Variants in NAALADL2 observed in about 807,000 individuals in gnomAD.
NAALADL2 encodes the protein N-acetylated alpha-linked acidic dipeptidase like 2, also known as inactive N-acetylated-alpha-linked acidic dipeptidase-like protein 2.
Under a neutral mutation model 87.2 loss-of-function variants are expected in NAALADL2, and 76 were observed. The ratio of observed to expected loss-of-function variants is 0.87; its 90% CI spans 0.72 to 1.05. The LOEUF is 1.05. Among genes scored for constraint, NAALADL2 ranks in the 50% least tolerant of loss-of-function variants. The pLI is 0.00. For synonymous variants in NAALADL2, 354 were observed against 331.0 expected (o/e 1.07, Z -0.75); for missense variants, 1,089 against 945.8 (o/e 1.15, Z -1.99).
chr3:175,640,153 C>T (rs1286305106), intron 11 of NAALADL2, among the ~76,000 whole-genome samples: 1 of 152,158 alleles, frequency 6.6e-6, no homozygotes, highest in Non-Finnish European at 1.5e-5. Context: ...CATTAAACCT[C>T]TCTAGATTAC....
intron 10 of NAALADL2, among the ~76,000 whole-genome samples, chr3:175,588,335 A>G (rs1720842698): frequency 6.6e-6 from 1 of 152,132 alleles, no homozygotes; most frequent in South Asian, 2.1e-4. Context: ...GGTTGTGACC[A>G]GAACCTGTGA....
intron 11 of NAALADL2, among the ~76,000 whole-genome samples, chr3:175,700,229 T>C (rs1738796651): frequency 6.6e-6 from 1 of 152,158 alleles, no homozygotes; most frequent in Admixed American, 6.6e-5. Context: ...TGAACAATGC[T>C]AAGTGCTATG....
intron 3 of NAALADL2, among the ~76,000 whole-genome samples, chr3:174,760,936 T>C (rs1240745995): frequency 6.6e-6 from 1 of 152,212 alleles, no homozygotes; most frequent in African/African-American, 2.4e-5. Flanking sequence ...AATTGTCTTT[T>C]TTGGGCAAAC....
intron 5 of NAALADL2, among the ~76,000 whole-genome samples, chr3:175,355,362 G>A (rs746092966): frequency 2.2e-4 from 34 of 152,156 alleles, no homozygotes; most frequent in Middle Eastern, 3.4e-3. Flanking sequence ...TAGACACCGC[G>A]CCCAGCCACA....
intron 10 of NAALADL2, among the ~76,000 whole-genome samples, chr3:175,591,930 T>C (rs1169425883): frequency 2.0e-5 from 3 of 151,532 alleles, no homozygotes; most frequent in Non-Finnish European, 4.4e-5. Flanking sequence ...AAGAGTAATA[T>C]AGTGGAAAAA....
chr3:175,761,771 T>C (rs1282869210), intron 13 of NAALADL2, among the ~76,000 whole-genome samples: 1 of 152,228 alleles, frequency 6.6e-6, no homozygotes, highest in East Asian at 1.9e-4. Context: ...CATCTTTTCA[T>C]ATGCTTATTT....
chr3:174,510,515 TTTG>T (rs1443155954), intron 1 of NAALADL2, among the ~76,000 whole-genome samples: 5 of 152,050 alleles, frequency 3.3e-5, no homozygotes, highest in African/African-American at 1.2e-4. Flanking sequence ...TATATTGGCA[TTTG>T]TTGTTCATAA....
intron 2 of NAALADL2, among the ~76,000 whole-genome samples, chr3:175,233,375 A>T (rs943359614): frequency 5.3e-5 from 8 of 152,198 alleles, no homozygotes; most frequent in Non-Finnish European, 1.2e-4. Flanking sequence ...TTTAGTTAGC[A>T]TTAATATCAC....
At chr3:175,056,927 C>A (rs1480302374) in intron 1 of NAALADL2, among the ~76,000 whole-genome samples, 1 of 152,200 alleles carries the variant, frequency 6.6e-6, no homozygotes, top group Non-Finnish European at 1.5e-5. Context: ...GGCATCATGG[C>A]CATCATGTAC....
intron 2 of NAALADL2, among the ~76,000 whole-genome samples, chr3:175,151,389 T>TA (rs1731520945): frequency 6.6e-6 from 1 of 152,226 alleles, no homozygotes. Flanking sequence ...CTGCTCAGAT[T>TA]ACATTCAGCA....
chr3:174,473,695 A>G (rs1205417690), intron 1 of NAALADL2, among the ~76,000 whole-genome samples: 3 of 152,074 alleles, frequency 2.0e-5, no homozygotes, highest in Non-Finnish European at 4.4e-5. Flanking sequence ...GAGGAGAGAG[A>G]TGGTGACAAT....
At chr3:174,741,012 T>A (rs1733709511) in intron 3 of NAALADL2, among the ~76,000 whole-genome samples, 1 of 151,776 alleles carries the variant, frequency 6.6e-6, no homozygotes, top group South Asian at 2.1e-4. Flanking sequence ...TTCAAACCAG[T>A]GAATAAATTA....
intron 1 of NAALADL2, among the ~76,000 whole-genome samples, chr3:174,872,772 G>T (rs1011556793): frequency 6.6e-6 from 1 of 151,700 alleles, no homozygotes; most frequent in Non-Finnish European, 1.5e-5. Context: ...TGTAGCTTCA[G>T]GTTTCTCTGA....
intron 2 of NAALADL2, among the ~76,000 whole-genome samples, chr3:175,168,051 C>T (rs199661689): frequency 1.3e-5 from 2 of 148,420 alleles, no homozygotes; most frequent in Non-Finnish European, 3.0e-5. Context: ...AATTTTTTTT[C>T]CCAAACCACG....
intron 1 of NAALADL2, among the ~76,000 whole-genome samples, chr3:175,030,884 C>T (rs1174232916): frequency 2.6e-5 from 4 of 151,968 alleles, no homozygotes; most frequent in African/African-American, 9.6e-5. Context: ...TTGTATACAG[C>T]CATGCCTGGT....
chr3:174,806,506 G>A (rs756971830), intron 3 of NAALADL2, among the ~76,000 whole-genome samples: 36 of 152,188 alleles, frequency 2.4e-4, no homozygotes, highest in Non-Finnish European at 4.4e-4. Context: ...ACACCCAGAA[G>A]TTGAGGAAAC....
At position 175,308,144 on chromosome 3, in the gene NAALADL2, GAAGA is replaced by G. The variant is rs1341759002; in HGVS notation, c.940-16030_940-16027del. Among the ~76,000 whole-genome samples the G allele has an allele frequency of 4.6e-5, 7 of 152,224 alleles. No homozygotes were observed. The East Asian group carries it at 1.4e-3, about 29-fold the overall frequency. On this transcript the variant is annotated intron_variant, in intron 4 of 13. Transcript: ENST00000454872. ...AGAGAAAACCATTTTTTTTATGAAA[GAAGA>G]GAGACATAATTTCCATTGTGATAAA... is the stretch of plus-strand genomic sequence containing the variant.
intron 3 of NAALADL2, among the ~76,000 whole-genome samples, chr3:174,740,717 T>A (rs1733687183): frequency 6.6e-6 from 1 of 151,714 alleles, no homozygotes; most frequent in Admixed American, 6.6e-5. Flanking sequence ...CTAAGCAAAA[T>A]TTTCTGGTCA....
At chr3:175,752,015 A>C (rs929173706) in intron 12 of NAALADL2, among the ~76,000 whole-genome samples, 5 of 152,084 alleles carry the variant, frequency 3.3e-5, no homozygotes, top group African/African-American at 1.2e-4. Context: ...GTTGATGCTC[A>C]TTATGCACCA....
Sources: gnomAD v4.1 joint callset for allele counts (sites outside exome capture counted in the v4.1 genomes callset) on GRCh38, gnomAD v4.1.1 for gene constraint, MANE v1.5 for transcripts, NCBI Gene and HGNC (gene_info 2026-07-23, HGNC 2026-07-21) for gene names.